Variants in NODAL observed in about 807,000 individuals in gnomAD.
NODAL encodes nodal growth differentiation factor, also known as nodal homolog.
Under a neutral mutation model 34.0 loss-of-function variants are expected in NODAL, and 12 were observed. That is an observed-to-expected ratio of 0.35 (90% CI 0.23 to 0.57). The LOEUF is 0.57. Among genes scored for constraint, NODAL ranks in the 20% least tolerant of loss-of-function variants. The pLI is 0.83. For missense variants in NODAL, 390 were observed against 444.2 expected, an observed-to-expected ratio of 0.88 and a Z score of 1.10; for synonymous variants, 162 against 186.4, an observed-to-expected ratio of 0.87 and a Z score of 1.07.
At position 70,435,400 on chromosome 10, in the gene NODAL, G is replaced by A. The variant is rs139409082; in HGVS notation, c.777C>T (p.Ile259=). 2.5e-6 allele frequency: 4 copies of A among 1,614,150 alleles called. No individual in the cohort carries two copies. Among genetic ancestry groups the A allele is most frequent in the African/African-American group, 2.7e-5 (2 of 75,030 alleles). ...KVKFQVDFNL[I]GWGSWIIYPK... ...GGTAGATGATCCAGGAGCCCCATCC[G>A]ATCAGGTTGAAGTCCACCTGGAACT... The change falls in exon 2 of 3, where the codon ATC becomes ATT. Residue 259 remains isoleucine (I), a synonymous_variant. Transcript: ENST00000287139.
upstream of NODAL, among the ~76,000 whole-genome samples, chr10:70,443,436 C>T (rs1845453828): frequency 6.6e-6 from 1 of 152,132 alleles, no homozygotes; most frequent in Non-Finnish European, 1.5e-5. Context: ...TGCCTGTAAT[C>T]CCAACACATG....
intron 2 of NODAL, among the ~76,000 whole-genome samples, chr10:70,433,332 A>G (rs1179062646): frequency 6.6e-6 from 1 of 151,760 alleles, no homozygotes; most frequent in South Asian, 2.1e-4. Flanking sequence ...AATTACATGT[A>G]TCTGGGTAGA....
chr10:70,435,892 C>G lies in NODAL; in HGVS notation c.285G>C (p.Leu95=), dbSNP rs375111273. ...GGAGGTCCACAGGGCTGGACAGCTG[C>G]AGCCGGAGCTCAGCCCATGCCAGAT... ...QEDLAWAELR[L]QLSSPVDLPT... Residue 95 remains leucine (L), a synonymous_variant, in exon 2 of 3, where the codon CTG becomes CTC. Transcript: ENST00000287139. The G allele has an allele frequency of 3.1e-6, 5 of 1,614,154 alleles. No homozygotes were observed. The highest frequency in any genetic ancestry group is 4.2e-6 in the Non-Finnish European group (5 of 1,180,040).
Position 70,432,861 on chromosome 10 carries a change from G to C in NODAL, c.*75C>G. On this transcript the variant is annotated 3_prime_UTR_variant, in exon 3 of 3. Coordinates refer to ENST00000287139, the MANE Select transcript of NODAL (RefSeq NM_018055.5). ...CTCTCTGTTTCTCCTTACTGGATTA[G>C]ATGGTTATCATGTCTTCCAGGAGTT... is the stretch of plus-strand genomic sequence containing the variant. 1 of 1,558,098 alleles carries C rather than the reference G, an allele frequency of 6.4e-7. No individual in the cohort carries two copies. Among genetic ancestry groups the C allele is most frequent in the Non-Finnish European group, 8.8e-7 (1 of 1,130,854 alleles).
In NODAL at chr10:70,435,921, C is replaced by T. The variant is rs147012385; in HGVS notation, c.256G>A (p.Glu86Lys). 1.3e-5 allele frequency: 21 copies of T among 1,614,166 alleles called. No homozygotes were observed. The highest frequency in any genetic ancestry group is 3.3e-4 in the Middle Eastern group (2 of 6,062). Residue 86 changes from glutamate to lysine, a missense_variant, in exon 2 of 3, where the codon GAG becomes AAG. Physicochemically the swap from Glu to Lys is moderately conservative, Grantham distance 56. Transcript: ENST00000287139. ...AFDFSFLSQQEDLAWAELRLQ... is the reference protein window; with the variant it reads ...AFDFSFLSQQKDLAWAELRLQ... ...CGGAGCTCAGCCCATGCCAGATCCT[C>T]TTGTTGGCTCAGGAAGGAGAAGTCA... is the stretch of plus-strand genomic sequence containing the variant.
rs1564666352 is a variant in NODAL, at chr10:70,432,717, G to A, written c.*219C>T. 9 of 602,076 alleles carry A rather than the reference G, an allele frequency of 1.5e-5. No homozygotes were observed. The highest frequency in any genetic ancestry group is 2.7e-5 in the Non-Finnish European group (9 of 335,994). 37.3% of individuals were successfully genotyped at this position (602,076 alleles called of 1,614,324 possible). A position where few individuals can be genotyped will look rare whatever the true frequency, so the allele number is the denominator to read the frequency against. On this transcript the variant is annotated 3_prime_UTR_variant, in exon 3 of 3. Transcript: ENST00000287139. ...AACATCCAGCCAGCCCCCTGCACAG[G>A]CTTCTTCCTCCCTCTTCCTGACAGC...
chr10:70,440,581 G>A (rs990126296), intron 1 of NODAL, among the ~76,000 whole-genome samples: 50 of 152,150 alleles, frequency 3.3e-4, no homozygotes, highest in Non-Finnish European at 1.2e-4. Context: ...GTGGGCGGCC[G>A]CGGCTGCCCA....
At chr10:70,436,076 C>A in intron 1 of NODAL, 93 bp from the exon 2 acceptor site, 1 of 1,059,570 alleles carries the variant, frequency 9.4e-7, no homozygotes, top group Non-Finnish European at 1.5e-6. Context: ...TTGCTGGAGG[C>A]CTTACCTTAT....
In NODAL at chr10:70,435,876, C is replaced by G. The variant is rs773239739; in HGVS notation, c.301G>C (p.Val101Leu). 1 of 1,614,134 alleles carries G rather than the reference C, an allele frequency of 6.2e-7. No homozygotes were observed. Among genetic ancestry groups the G allele is most frequent in the Non-Finnish European group, 8.5e-7 (1 of 1,180,020 alleles). ...AGTGAGCCCTCAGTGGGGAGGTCCA[C>G]AGGGCTGGACAGCTGCAGCCGGAGC... ...AELRLQLSSPVDLPTEGSLAI... is the reference protein window; with the variant it reads ...AELRLQLSSPLDLPTEGSLAI... The change falls in exon 2 of 3, where the codon GTG becomes CTG. Residue 101 changes from valine (V) to leucine (L), a missense_variant. Val to Leu is a conservative substitution (Grantham distance 32, BLOSUM62 1). Transcript: ENST00000287139.
At chr10:70,442,337 A>G (rs765161594), upstream of NODAL, among the ~76,000 whole-genome samples, 5 of 152,242 alleles carry the variant, frequency 3.3e-5, no homozygotes, top group Admixed American at 6.5e-5. Context: ...ATCCTGGTTC[A>G]TCAGGCTCTT....
rs944967273 is a variant in NODAL at position 70,431,969 on chromosome 10, C to T, written c.*967G>A. Among the ~76,000 whole-genome samples the T allele has an allele frequency of 6.6e-6, 1 of 152,214 alleles. No individual in the cohort carries two copies. The highest frequency in any genetic ancestry group is 1.5e-5 in the Non-Finnish European group (1 of 68,048). On this transcript the variant is annotated 3_prime_UTR_variant, in exon 3 of 3. Coordinates refer to ENST00000287139, the MANE Select transcript of NODAL (RefSeq NM_018055.5). The stretch of plus-strand genomic sequence containing the variant: ...TGGCTCTTCTGAGCCTGACAACAGA[C>T]ATTTAATATGAATGCATTAGGATTC...
At chr10:70,447,049 C>A (rs1231059491) in intron 1 of NODAL, among the ~76,000 whole-genome samples, 1 of 150,818 alleles carries the variant, frequency 6.6e-6, no homozygotes, top group East Asian at 2.0e-4. Context: ...GCCCCCACAG[C>A]AATTTAGCAG....
intron 1 of NODAL, among the ~76,000 whole-genome samples, chr10:70,440,825 C>G (rs969576738): frequency 2.0e-5 from 3 of 152,206 alleles, no homozygotes; most frequent in Non-Finnish European, 4.4e-5. Context: ...CAGTTCGCGA[C>G]TTCGGGACAG....
At chr10:70,433,169 G>C in intron 2 of NODAL, 81 bp from the exon 3 acceptor site, 1 of 1,548,226 alleles carries the variant, frequency 6.5e-7, no homozygotes, top group Non-Finnish European at 8.9e-7. Context: ...GAGTAAAAAA[G>C]TTACGGAGTT....
At chr10:70,437,979 G>A (rs1010096044) in intron 1 of NODAL, among the ~76,000 whole-genome samples, 1 of 152,048 alleles carries the variant, frequency 6.6e-6, no homozygotes, top group Non-Finnish European at 1.5e-5. Flanking sequence ...TGGAGGATTC[G>A]GGCGGTGAGT....
Position 70,435,772 on chromosome 10 carries a change from G to A in NODAL, c.405C>T (p.Asp135=), listed in dbSNP as rs1178938133. The A allele has an allele frequency of 6.2e-7, 1 of 1,614,160 alleles. No homozygotes were observed. Among genetic ancestry groups the A allele is most frequent in the Non-Finnish European group, 8.5e-7 (1 of 1,180,048 alleles). ...SDSCLERFQM[D]LFTVTLSQVT... is the part of the protein sequence containing the mutation. ...CCTGGGACAAAGTGACAGTGAATAG[G>A]TCCATCTGAAACCGCTCTAAGCAGC... The change falls in exon 2 of 3, where the codon GAC becomes GAT. Residue 135 remains aspartate, a synonymous_variant. Transcript: ENST00000287139.
chr10:70,440,044 C>A (rs966466727), intron 1 of NODAL, among the ~76,000 whole-genome samples: 1 of 152,150 alleles, frequency 6.6e-6, no homozygotes, highest in Non-Finnish European at 1.5e-5. Flanking sequence ...TGCACTCCAG[C>A]CTGGGCAACA....
chr10:70,433,165 A>G (rs1845292303), intron 2 of NODAL, 77 bp from the exon 3 acceptor site: 2 of 1,567,078 alleles, frequency 1.3e-6, no homozygotes, highest in Non-Finnish European at 1.7e-6. Flanking sequence ...TAAAGAGTAA[A>G]AAAGTTACGG....
chr10:70,441,653 G>T lies in NODAL; in HGVS notation c.15C>A (p.Cys5Ter), dbSNP rs1589154623. The T allele has an allele frequency of 6.5e-7, 1 of 1,549,976 alleles. No homozygotes were observed. Among genetic ancestry groups the T allele is most frequent in the East Asian group, 2.4e-5 (1 of 40,990 alleles). MHAH[C>*]LPFLLHAWWA... ...ACCAGGCGTGCAGAAGGAAGGGCAG[G>T]CAGTGGGCGTGCATGGTGGGCTGGC... is the stretch of plus-strand genomic sequence containing the variant. The change falls in exon 1 of 3, where the codon TGC becomes TGA. Residue 5 changes from cysteine to a stop codon, truncating the protein, a stop_gained. Coordinates refer to ENST00000287139, the MANE Select transcript of NODAL (RefSeq NM_018055.5). LOFTEE classifies it high-confidence loss of function.
Sources: allele counts gnomAD v4.1 joint callset (sites outside exome capture counted in the v4.1 genomes callset), GRCh38; gene constraint gnomAD v4.1.1; transcripts MANE v1.5; gene names NCBI Gene and HGNC (gene_info 2026-07-23, HGNC 2026-07-21).